Variants in APBB2 observed in about 807,000 individuals in gnomAD.
APBB2 encodes the protein Fe65-like 1.
A neutral mutation model predicts 82.5 loss-of-function variants in APBB2; 38 were observed. The observed-to-expected ratio is 0.46, with a 90% confidence interval of 0.36 to 0.60. The LOEUF is 0.60. Ranked by LOEUF, APBB2 falls within the 20% of genes least tolerant of loss-of-function variation. The probability of loss-of-function intolerance (pLI) is 0.00; values close to 1 mark genes in which losing one functional copy is unlikely to be tolerated. For synonymous variants in APBB2, 341 were observed against 368.2 expected, an observed-to-expected ratio of 0.93 and a Z score of 0.85; for missense variants, 772 against 972.3, an observed-to-expected ratio of 0.79 and a Z score of 2.74.
chr4:40,824,906 C>A (rs1577703516), intron 15 of APBB2, among the ~76,000 whole-genome samples: 1 of 152,214 alleles, frequency 6.6e-6, no homozygotes, highest in Admixed American at 6.5e-5. Flanking sequence ...GCAACCCTTA[C>A]CTACTTTCTG....
At chr4:40,904,081 G>A (rs574661113) in intron 10 of APBB2, among the ~76,000 whole-genome samples, 1 of 151,810 alleles carries the variant, frequency 6.6e-6, no homozygotes, top group Admixed American at 6.5e-5. Flanking sequence ...GACAGCAACG[G>A]GTCTGATTTC....
At chr4:41,132,556 C>G (rs1756359382) in intron 2 of APBB2, among the ~76,000 whole-genome samples, 1 of 152,232 alleles carries the variant, frequency 6.6e-6, no homozygotes, top group Admixed American at 6.5e-5. Flanking sequence ...AAAGCAAATA[C>G]AATTCAGTCC....
intron 1 of APBB2, among the ~76,000 whole-genome samples, chr4:41,166,740 A>C (rs1387397186): frequency 6.6e-6 from 1 of 152,104 alleles, no homozygotes; most frequent in African/African-American, 2.4e-5. Context: ...TACTAAAAAC[A>C]CAAAAAATTA....
At chr4:41,068,782 A>C (rs1732812739) in intron 3 of APBB2, among the ~76,000 whole-genome samples, 1 of 139,054 alleles carries the variant, frequency 7.2e-6, no homozygotes, top group Non-Finnish European at 1.5e-5. Context: ...AACTATTACC[A>C]ACCATCTTTT....
At chr4:41,078,069 G>C (rs1188458910) in intron 3 of APBB2, among the ~76,000 whole-genome samples, 2 of 152,134 alleles carry the variant, frequency 1.3e-5, no homozygotes, top group Non-Finnish European at 2.9e-5. Flanking sequence ...GCTCAGCTGT[G>C]AAAAATATTT....
chr4:40,958,779 A>C (rs1792327211), intron 6 of APBB2, among the ~76,000 whole-genome samples: 1 of 151,890 alleles, frequency 6.6e-6, no homozygotes, highest in South Asian at 2.1e-4. Flanking sequence ...CTGATTTTTA[A>C]ATTTTTTGTA....
chr4:41,157,145 G>A (rs970079550), intron 1 of APBB2, among the ~76,000 whole-genome samples: 14 of 151,688 alleles, frequency 9.2e-5, no homozygotes, highest in Admixed American at 5.2e-4. Flanking sequence ...GTTTTAAAGC[G>A]CTTGGCACAG....
chr4:41,098,899 A>C (rs1490164710), intron 3 of APBB2, among the ~76,000 whole-genome samples: 1 of 152,180 alleles, frequency 6.6e-6, no homozygotes, highest in Non-Finnish European at 1.5e-5. Context: ...CTCCAACATA[A>C]TCCTTTTTCA....
chr4:40,852,552 C>A (rs1235158967), intron 12 of APBB2, among the ~76,000 whole-genome samples: 2 of 151,918 alleles, frequency 1.3e-5, no homozygotes, highest in Non-Finnish European at 2.9e-5. Flanking sequence ...AGGGTGAAAA[C>A]ATCTTGGAAA....
chr4:41,140,277 C>G (rs1352443889), intron 2 of APBB2, among the ~76,000 whole-genome samples: 1 of 152,186 alleles, frequency 6.6e-6, no homozygotes, highest in Non-Finnish European at 1.5e-5. Context: ...TCTACCATTA[C>G]TAACCTCTGA....
In APBB2 at chr4:40,836,573, A is replaced by AG. The variant is rs563566876; in HGVS notation, c.1530-5997dup. Among the ~76,000 whole-genome samples, 574 of 152,186 alleles carry AG rather than the reference A, an allele frequency of 3.8e-3. 3 individuals are homozygous for AG. The highest frequency in any genetic ancestry group is 5.9e-3 in the Non-Finnish European group (398 of 68,022). ...ATTTAGAGGCCTTGTTTGAGGCAGG[A>AG]GGTCCAATGAGAAGGTGGGAAAAAA... On this transcript the variant is annotated intron_variant, in intron 12 of 17. Transcript: ENST00000508593.
chr4:40,958,938 ACAT>A (rs2154389202), intron 6 of APBB2, among the ~76,000 whole-genome samples: 1 of 152,354 alleles, frequency 6.6e-6, no homozygotes, highest in Admixed American at 6.5e-5. Context: ...AGTAGAGATC[ACAT>A]CATATTTAGA....
intron 1 of APBB2, among the ~76,000 whole-genome samples, chr4:41,163,017 T>C (rs1248697108): frequency 6.6e-6 from 1 of 152,222 alleles, no homozygotes; most frequent in African/African-American, 2.4e-5. Flanking sequence ...ATAATGTTAA[T>C]TCAAGGAAGA....
At chr4:40,839,162 C>T (rs1755000564) in intron 12 of APBB2, among the ~76,000 whole-genome samples, 1 of 151,618 alleles carries the variant, frequency 6.6e-6, no homozygotes, top group Non-Finnish European at 1.5e-5. Context: ...ATTGTAGCCT[C>T]GACCTCCTAG....
At chr4:41,170,633 C>T (rs1209730673) in intron 1 of APBB2, among the ~76,000 whole-genome samples, 2 of 152,150 alleles carry the variant, frequency 1.3e-5, no homozygotes, top group Non-Finnish European at 2.9e-5. Flanking sequence ...AAGGAAACAA[C>T]CAAATGCAAC....
At chr4:40,868,685 A>C (rs2154339132) in intron 12 of APBB2, among the ~76,000 whole-genome samples, 1 of 152,358 alleles carries the variant, frequency 6.6e-6, no homozygotes, top group South Asian at 2.1e-4. Context: ...CAGTAATTCC[A>C]AACTCTGAAT....
At chr4:41,194,288 C>T in intron 1 of APBB2, 22 of 152,506 alleles carry the variant, frequency 1.4e-4, no homozygotes, top group Non-Finnish European at 2.5e-4. Flanking sequence ...TGCCACTGCA[C>T]TCCAGCCTGG....
chr4:41,037,461 G>C (rs562733231), intron 4 of APBB2, among the ~76,000 whole-genome samples: 3 of 152,158 alleles, frequency 2.0e-5, no homozygotes, highest in African/African-American at 7.2e-5. Flanking sequence ...GAATTTCCAG[G>C]GTTAGATAAT....
chr4:41,035,385 G>C (rs1401371891), intron 4 of APBB2, among the ~76,000 whole-genome samples: 1 of 152,098 alleles, frequency 6.6e-6, no homozygotes, highest in Non-Finnish European at 1.5e-5. Context: ...TAATTAAAAG[G>C]GTGGGTTTAT....
Sources: gnomAD v4.1 joint callset for allele counts (sites outside exome capture counted in the v4.1 genomes callset) on GRCh38, gnomAD v4.1.1 for gene constraint, MANE v1.5 for transcripts, NCBI Gene and HGNC (gene_info 2026-07-23, HGNC 2026-07-21) for gene names.